CYP51A1: variants seen among roughly 807,000 people sequenced by gnomAD.
CYP51A1 encodes cytochrome P450 family 51 subfamily A member 1, also known as lanosterol 14-alpha demethylase.
In CYP51A1, 45 loss-of-function variants were observed where a neutral mutation model predicts 53.5. The observed-to-expected ratio is 0.84, with a 90% CI of 0.66 to 1.08. The LOEUF (loss-of-function observed/expected upper bound fraction) is 1.08. Among genes scored for constraint, CYP51A1 ranks in the 50% least tolerant of loss-of-function variants. The probability of loss-of-function intolerance (pLI) is 0.00; values close to 1 mark genes in which losing one functional copy is unlikely to be tolerated. For synonymous variants in CYP51A1, 181 were observed against 217.7 expected (o/e 0.83, Z 1.48); for missense variants, 462 against 621.7 (o/e 0.74, Z 2.73).
chr7:92,119,271 A>G (rs1490155320), intron 7 of CYP51A1, among the ~76,000 whole-genome samples: 2 of 152,208 alleles, frequency 1.3e-5, no homozygotes, highest in Non-Finnish European at 2.9e-5. Context: ...AAGTTCCAAC[A>G]TAAGAGAATC....
chr7:92,113,561 A>T lies in CYP51A1; in HGVS notation c.*104T>A. On this transcript the variant is annotated 3_prime_UTR_variant, in exon 10 of 10. Coordinates refer to ENST00000003100, the MANE Select transcript of CYP51A1 (RefSeq NM_000786.4). ...AACTGGCTTTTAGAATTACACACTT[A>T]AAAAAACAGTAAACTACAAGAGTTG... 1.8e-6 allele frequency: 2 copies of T among 1,111,516 alleles called. No homozygotes were observed. The highest frequency in any genetic ancestry group is 2.6e-6 in the Non-Finnish European group (2 of 768,438). The allele number at this position is 1,111,516 out of a possible 1,614,324, so 68.9% of individuals were successfully genotyped here.
At chr7:92,122,349 TATGAG>T (rs200777120) in intron 7 of CYP51A1, among the ~76,000 whole-genome samples, 1,858 of 151,934 alleles carry the variant, frequency 0.012, 14 homozygotes, top group Non-Finnish European at 0.018. Flanking sequence ...AAATACATTC[TATGAG>T]ATGAGTATGA....
In CYP51A1 at chr7:92,113,808, C is replaced by T. The variant is rs771331933; in HGVS notation, c.1387G>A (p.Val463Ile). The change falls in exon 10 of 10, where the codon GTT (valine) becomes ATT (isoleucine). Residue 463 changes from valine (V) to isoleucine (I), a missense_variant. Coordinates refer to ENST00000003100, the MANE Select transcript of CYP51A1 (RefSeq NM_000786.4). ...GTGGACCAAATTGTCTTAATTTGAA[C>T]ATAGGCAAAATTTTCCCCAATACAA... ...HRCIGENFAY[V>I]QIKTIWSTML... The T allele has an allele frequency of 6.2e-7, 1 of 1,607,632 alleles. No homozygotes were observed. The highest frequency in any genetic ancestry group is 1.3e-5 in the African/African-American group (1 of 74,636).
intron 1 of CYP51A1, among the ~76,000 whole-genome samples, chr7:92,132,291 A>G (rs1450745589): frequency 6.6e-6 from 1 of 152,240 alleles, no homozygotes; most frequent in Non-Finnish European, 1.5e-5. Context: ...ATTTGTATCC[A>G]GGGATCCTCA....
At chr7:92,117,401 C>T (rs920743649) in intron 8 of CYP51A1, 189 bp from the exon 9 acceptor site, 5 of 501,316 alleles carry the variant, frequency 1.0e-5, no homozygotes, top group South Asian at 6.2e-5. Context: ...AATCAAGAAC[C>T]ATCTGTACAT....
intron 5 of CYP51A1, among the ~76,000 whole-genome samples, chr7:92,125,717 T>C (rs1819785140): frequency 2.6e-5 from 4 of 152,192 alleles, no homozygotes; most frequent in Admixed American, 2.6e-4. Context: ...TAAACTAGGC[T>C]GGGCTCAGTG....
Position 92,123,136 on chromosome 7 carries a change from G to C in CYP51A1, c.1070C>G (p.Pro357Arg). The C allele has an allele frequency of 4.3e-6, 7 of 1,612,642 alleles. No homozygotes were observed. The highest frequency in any genetic ancestry group is 1.7e-6 in the Non-Finnish European group (2 of 1,179,028). ...CCAACAAACCTGGTCATAAGTTAAAGGAGGCAGATTCTCTCCACAGACTGT... is the reference window on the plus strand; with the variant it reads ...CCAACAAACCTGGTCATAAGTTAAACGAGGCAGATTCTCTCCACAGACTGT... Reference protein sequence around the residue: ...QKTVCGENLPPLTYDQLKDLN... With the variant: ...QKTVCGENLPRLTYDQLKDLN... The change falls in exon 7 of 10, where the codon CCT becomes CGT. Residue 357 changes from proline to arginine, a missense_variant. Pro to Arg is a moderately radical substitution (Grantham distance 103). Coordinates refer to ENST00000003100, the MANE Select transcript of CYP51A1 (RefSeq NM_000786.4).
At chr7:92,128,000 A>G (rs904501937) in intron 3 of CYP51A1, among the ~76,000 whole-genome samples, 1 of 152,196 alleles carries the variant, frequency 6.6e-6, no homozygotes, top group Non-Finnish European at 1.5e-5. Context: ...ATTGGGGCCA[A>G]TTGTCTGATT....
chr7:92,113,865 A>G, intron 9 of CYP51A1, 22 bp from the exon 10 acceptor site: 1 of 1,542,906 alleles, frequency 6.5e-7, no homozygotes, highest in East Asian at 2.3e-5. Context: ...AAAAAGTTAT[A>G]AGAATCAGTT....
chr7:92,118,402 C>T (rs1056292258), intron 8 of CYP51A1, 118 bp downstream of exon 8: 4 of 705,886 alleles, frequency 5.7e-6, no homozygotes, highest in Non-Finnish European at 7.7e-6. Flanking sequence ...TCAAGTGATC[C>T]TCCCACCTCA....
chr7:92,125,036 C>T (rs1296822358), intron 5 of CYP51A1, among the ~76,000 whole-genome samples: 2 of 148,808 alleles, frequency 1.3e-5, no homozygotes, highest in African/African-American at 2.5e-5. Flanking sequence ...CCCAGCTACT[C>T]GGGAGGCTGA....
intron 5 of CYP51A1, among the ~76,000 whole-genome samples, chr7:92,124,881 C>T (rs1393525470): frequency 3.3e-5 from 5 of 152,130 alleles, no homozygotes; most frequent in African/African-American, 4.8e-5. Flanking sequence ...CAGTGGCTCA[C>T]GCCTGTAATC....
intron 7 of CYP51A1, among the ~76,000 whole-genome samples, chr7:92,119,571 T>C (rs1314583799): frequency 2.6e-5 from 4 of 152,024 alleles, no homozygotes; most frequent in Non-Finnish European, 5.9e-5. Context: ...ATGACATAAT[T>C]AATCCAGGAA....
In CYP51A1 at chr7:92,134,328, G is replaced by A; in HGVS notation, c.37C>T (p.Leu13=). Residue 13 remains leucine (L), a synonymous_variant, in exon 1 of 10, where the codon CTG becomes TTG. Transcript: ENST00000003100. ...AAAGMLLLGL[L]QAGGSVLGQA... is the part of the protein sequence containing the mutation. ...CCCAGCACCGACCCACCCGCCTGCA[G>A]CAAGCCCAGCAGCAGCATCCCAGCC... The A allele has an allele frequency of 6.3e-7, 1 of 1,596,044 alleles. No homozygotes were observed. Among genetic ancestry groups the A allele is most frequent in the Non-Finnish European group, 8.6e-7 (1 of 1,168,630 alleles).
At chr7:92,122,841 A>G (rs1410506471) in intron 7 of CYP51A1, among the ~76,000 whole-genome samples, 1 of 152,234 alleles carries the variant, frequency 6.6e-6, no homozygotes, top group East Asian at 1.9e-4. Flanking sequence ...AATATCCTCT[A>G]TGTACAGAAG....
intron 1 of CYP51A1, among the ~76,000 whole-genome samples, chr7:92,132,322 A>G (rs1819938943): frequency 6.6e-6 from 1 of 152,356 alleles, no homozygotes; most frequent in Admixed American, 6.5e-5. Context: ...ATAAAATGGC[A>G]AAGTATTTGC....
At chr7:92,117,950 T>C (rs915029052) in intron 8 of CYP51A1, among the ~76,000 whole-genome samples, 1 of 147,968 alleles carries the variant, frequency 6.8e-6, no homozygotes, top group Non-Finnish European at 1.5e-5. Context: ...ATCGCACCAC[T>C]GCACTCCAGC....
In CYP51A1 at chr7:92,134,377, A is replaced by G; in HGVS notation, c.-13T>C. 1 of 1,565,802 alleles carries G rather than the reference A, an allele frequency of 6.4e-7. No individual in the cohort carries two copies. Among genetic ancestry groups the G allele is most frequent in the Non-Finnish European group, 8.7e-7 (1 of 1,151,522 alleles). On this transcript the variant is annotated 5_prime_UTR_variant, in exon 1 of 10. Transcript: ENST00000003100. Reference sequence around the variant, plus strand: ...CCGCCGCCGCCATTCACTCCGTCGGAAACACTGAAGGCCGAGGTCGCCACC... The same window carrying G: ...CCGCCGCCGCCATTCACTCCGTCGGGAACACTGAAGGCCGAGGTCGCCACC...
At chr7:92,130,387 T>G (rs961572878) in intron 2 of CYP51A1, among the ~76,000 whole-genome samples, 2 of 152,208 alleles carry the variant, frequency 1.3e-5, no homozygotes, top group African/African-American at 4.8e-5. Flanking sequence ...CTTAATGACT[T>G]GTTTTCCATT....
Sources: allele counts gnomAD v4.1 joint callset (sites outside exome capture counted in the v4.1 genomes callset), GRCh38; gene constraint gnomAD v4.1.1; transcripts MANE v1.5; gene names NCBI Gene and HGNC (gene_info 2026-07-23, HGNC 2026-07-21).